The following TG variants were observed in gnomAD, a reference collection of about 807,000 sequenced individuals.
The protein encoded by TG is thyroid hormones.
TG carries 270 observed loss-of-function variants against 324.7 expected under a neutral mutation model. The observed-to-expected ratio is 0.83, with a 90% CI of 0.75 to 0.92. The LOEUF (loss-of-function observed/expected upper bound fraction) is 0.92. Ranked by LOEUF, TG falls within the 40% of genes least tolerant of loss-of-function variation. The probability of loss-of-function intolerance (pLI) is 0.00; values close to 1 mark genes in which losing one functional copy is unlikely to be tolerated. For synonymous variants in TG, 1,401 were observed against 1,327.0 expected, an observed-to-expected ratio of 1.06 and a Z score of -1.21; for missense variants, 3,591 against 3,456.4, an observed-to-expected ratio of 1.04 and a Z score of -0.98.
chr8:133,008,460 A>G (rs1234519449), intron 35 of TG, among the ~76,000 whole-genome samples: 1 of 152,262 alleles, frequency 6.6e-6, no homozygotes, highest in Non-Finnish European at 1.5e-5. Flanking sequence ...ATATTTTAAA[A>G]TAAATGACAC....
At chr8:132,900,177 C>A in intron 14 of TG, 60 bp from the exon 15 acceptor site, 1 of 1,431,926 alleles carries the variant, frequency 7.0e-7, no homozygotes, top group Non-Finnish European at 9.8e-7. Flanking sequence ...CTGCCAGCAG[C>A]AGGTTGGCCA....
intron 40 of TG, among the ~76,000 whole-genome samples, chr8:133,027,201 A>AAATTC (rs1836176453): frequency 6.6e-6 from 1 of 152,236 alleles, no homozygotes; most frequent in Non-Finnish European, 1.5e-5. Context: ...TCGAATGAGC[A>AAATTC]AACAAGAGCC....
chr8:132,976,472 T>G (rs1347040086), intron 34 of TG, among the ~76,000 whole-genome samples: 4 of 152,214 alleles, frequency 2.6e-5, no homozygotes, highest in Non-Finnish European at 5.9e-5. Flanking sequence ...GGACAAACGA[T>G]GAAACCATAG....
intron 43 of TG, chr8:133,106,284 A>AG (rs1849797907): frequency 2.3e-6 from 1 of 429,340 alleles, no homozygotes; most frequent in African/African-American, 2.2e-5. Flanking sequence ...GGTTTGCAGC[A>AG]GGAGGCAGGG....
At position 133,095,052 on chromosome 8, in the gene TG, C is replaced by T. The variant is rs774676063; in HGVS notation, c.7248C>T (p.Ser2416=). Residue 2416 remains serine (S), a synonymous_variant, in exon 42 of 48, where the codon TCC becomes TCT. Transcript: ENST00000220616. Reference sequence around the variant, plus strand: ...CCTGCTTTCTCTTCCAGGGAGGCTCCGCACTCTCCCCGGCCGCCGTCATCA... The same window carrying T: ...CCTGCTTTCTCTTCCAGGGAGGCTCTGCACTCTCCCCGGCCGCCGTCATCA... ...LFRRAVLMGG[S]ALSPAAVISH... 97 of 1,613,544 alleles carry T rather than the reference C, an allele frequency of 6.0e-5. No homozygotes were observed. The highest frequency in any genetic ancestry group is 1.8e-4 in the Middle Eastern group (1 of 5,646).
At chr8:133,115,501 A>G (rs979816833) in intron 44 of TG, among the ~76,000 whole-genome samples, 6 of 152,178 alleles carry the variant, frequency 3.9e-5, no homozygotes, top group African/African-American at 1.4e-4. Context: ...GGAAGACTCA[A>G]GCACCCAGCA....
intron 41 of TG, among the ~76,000 whole-genome samples, chr8:133,052,055 A>G (rs1840503003): frequency 6.6e-6 from 1 of 152,182 alleles, no homozygotes; most frequent in African/African-American, 2.4e-5. Flanking sequence ...CAAGATCTGG[A>G]GAAATCCCAG....
chr8:132,926,686 C>A (rs113337862), intron 22 of TG, among the ~76,000 whole-genome samples: 1 of 152,332 alleles, frequency 6.6e-6, no homozygotes, highest in African/African-American at 2.4e-5. Flanking sequence ...GAAAGGTGTT[C>A]TGCAGGGGAC....
At chr8:132,927,387 G>A (rs1264780800) in intron 22 of TG, among the ~76,000 whole-genome samples, 1 of 152,098 alleles carries the variant, frequency 6.6e-6, no homozygotes, top group African/African-American at 2.4e-5. Context: ...AAGGAGATGG[G>A]AACCTAAGTA....
At chr8:133,015,229 G>C (rs1184236269) in intron 37 of TG, among the ~76,000 whole-genome samples, 1 of 152,174 alleles carries the variant, frequency 6.6e-6, no homozygotes, top group East Asian at 1.9e-4. Context: ...ATTGAGGTTT[G>C]AGTTCTGTAA....
chr8:133,019,868 G>A (rs1450796082), intron 39 of TG, among the ~76,000 whole-genome samples, 173 bp downstream of exon 39: 2 of 152,188 alleles, frequency 1.3e-5, no homozygotes, highest in African/African-American at 4.8e-5. Flanking sequence ...TTGGTCAGTT[G>A]GTCCTCAGAG....
At chr8:132,877,767 T>C (rs1467969965) in intron 5 of TG, among the ~76,000 whole-genome samples, 1 of 152,226 alleles carries the variant, frequency 6.6e-6, no homozygotes, top group Non-Finnish European at 1.5e-5. Flanking sequence ...GATTTTGCTT[T>C]TTATTCAACA....
Position 133,086,357 on chromosome 8 carries a change from A to C in TG, c.7240-8687A>C, listed in dbSNP as rs1473187947. 6.6e-5 allele frequency among the ~76,000 whole-genome samples: 10 copies of C among 152,362 alleles called. No homozygotes were observed. The East Asian group carries it at 1.9e-3, about 29-fold the overall frequency. ...GGGTGAATTCTGTGGTATGTGAATT[A>C]TATCACAATAATACAATTTCCTAAA... is the stretch of plus-strand genomic sequence containing the variant. On this transcript the variant is annotated intron_variant, in intron 41 of 47. Coordinates refer to ENST00000220616, the MANE Select transcript of TG (RefSeq NM_003235.5).
chr8:132,960,544 C>A (rs918182949), intron 27 of TG, among the ~76,000 whole-genome samples: 2 of 152,180 alleles, frequency 1.3e-5, no homozygotes, highest in African/African-American at 4.8e-5. Flanking sequence ...GTGGCAGCCG[C>A]CAACAAGTGG....
At chr8:132,953,815 GC>G (rs1826454887) in intron 27 of TG, among the ~76,000 whole-genome samples, 1 of 152,146 alleles carries the variant, frequency 6.6e-6, no homozygotes, top group African/African-American at 2.4e-5. Flanking sequence ...TTTCCAATGA[GC>G]ATTTCTGAGT....
intron 35 of TG, among the ~76,000 whole-genome samples, chr8:132,987,402 G>C (rs1831708300): frequency 6.7e-6 from 1 of 150,164 alleles, no homozygotes; most frequent in African/African-American, 2.5e-5. Context: ...CGTATGCACT[G>C]TGTATATGTA....
chr8:132,932,086 C>A (rs1822801104), intron 23 of TG, among the ~76,000 whole-genome samples: 1 of 150,760 alleles, frequency 6.6e-6, no homozygotes, highest in Non-Finnish European at 1.5e-5. Flanking sequence ...AGAGCCAGAC[C>A]CTGTCTCAAA....
chr8:133,039,953 G>GTACA, intron 41 of TG: 1 of 1,433,552 alleles, frequency 7.0e-7, no homozygotes, highest in Non-Finnish European at 9.4e-7. Flanking sequence ...GCACTTGCAT[G>GTACA]CACACACACA....
rs189116995 is a variant in TG, at chr8:132,923,312, C to T, written c.4529-26C>T. The stretch of plus-strand genomic sequence containing the variant: ...GGGGATTCCAGAGGCCCATTATTGA[C>T]GGCTATGTCAATCTATTGGTTCTAG... On this transcript the variant is annotated intron_variant, in intron 21 of 47. Transcript: ENST00000220616. 77 of 1,613,598 alleles carry T rather than the reference C, an allele frequency of 4.8e-5. 1 individual carries two copies. The East Asian group carries it at 1.1e-3, about 23-fold the overall frequency.
Sources: gnomAD v4.1 joint callset for allele counts (sites outside exome capture counted in the v4.1 genomes callset) on GRCh38, gnomAD v4.1.1 for gene constraint, MANE v1.5 for transcripts, NCBI Gene and HGNC (gene_info 2026-07-23, HGNC 2026-07-21) for gene names.